Variants in OXR1 observed in about 807,000 individuals in gnomAD.
OXR1 encodes the protein oxidation resistance protein 1.
A neutral mutation model predicts 104.6 loss-of-function variants in OXR1; 41 were observed. The ratio of observed to expected loss-of-function variants is 0.39; its 90% CI spans 0.31 to 0.51. OXR1 has a LOEUF of 0.51. Ranked by LOEUF, OXR1 falls within the 20% of genes least tolerant of loss-of-function variation. OXR1 has a pLI of 0.77. For synonymous variants in OXR1, 348 were observed against 348.4 expected (o/e 1.00, Z 0.01); for missense variants, 955 against 1,031.9 (o/e 0.93, Z 1.02).
intron 11 of OXR1, 79 bp from the exon 12 acceptor site, chr8:106,737,441 T>C (rs1045306824): frequency 2.0e-5 from 2 of 101,858 alleles, no homozygotes; most frequent in African/African-American, 2.3e-4. Flanking sequence ...ATTTCTCCTC[T>C]TTTTTTTTTT....
At chr8:106,328,427 AT>A (rs1171092096) in intron 1 of OXR1, among the ~76,000 whole-genome samples, 1 of 152,238 alleles carries the variant, frequency 6.6e-6, no homozygotes, top group Non-Finnish European at 1.5e-5. Context: ...TTATGATGAC[AT>A]TTTTATCATT....
intron 11 of OXR1, among the ~76,000 whole-genome samples, chr8:106,719,521 A>C (rs1350196156): frequency 1.3e-5 from 2 of 152,198 alleles, no homozygotes; most frequent in Admixed American, 1.3e-4. Flanking sequence ...TTTTTGAGTC[A>C]TGATCCAACT....
chr8:106,563,315 G>GAAA (rs1324864964), intron 3 of OXR1, among the ~76,000 whole-genome samples: 1 of 124,016 alleles, frequency 8.1e-6, no homozygotes. Context: ...AAAAAAAAAA[G>GAAA]AAAAAAAAAG....
intron 14 of OXR1, 105 bp from the exon 15 acceptor site, chr8:106,742,117 C>T (rs1051060335): frequency 1.4e-5 from 10 of 693,234 alleles, no homozygotes; most frequent in Middle Eastern, 2.6e-4. Context: ...TTAAACTATA[C>T]CAGATTTCTA....
intron 2 of OXR1, among the ~76,000 whole-genome samples, chr8:106,509,814 C>A (rs1258810605): frequency 6.6e-6 from 1 of 152,202 alleles, no homozygotes; most frequent in Non-Finnish European, 1.5e-5. Context: ...CTCTGTCGCC[C>A]AGGCTGGAGT....
In OXR1 at chr8:106,433,076, C is replaced by T. The variant is rs566894279; in HGVS notation, c.23+73440C>T. Among the ~76,000 whole-genome samples the T allele has an allele frequency of 8.5e-5, 13 of 152,260 alleles. No homozygotes were observed. In the East Asian group the frequency reaches 1.4e-3, roughly 16 times the overall value. On this transcript the variant is annotated intron_variant, in intron 2 of 16. Transcript: ENST00000517566. ...TAAAGAGTAATTCACTCAGAGCTGG[C>T]TGTGCGCGAGACCGGAGTTTTATTA...
At chr8:106,732,630 A>G (rs989083259) in intron 11 of OXR1, among the ~76,000 whole-genome samples, 5 of 152,052 alleles carry the variant, frequency 3.3e-5, no homozygotes, top group Non-Finnish European at 2.9e-5. Flanking sequence ...GTATCTGTTG[A>G]TAAGATCACA....
intron 2 of OXR1, among the ~76,000 whole-genome samples, chr8:106,505,489 A>C (rs1246713536): frequency 6.6e-6 from 1 of 152,210 alleles, no homozygotes; most frequent in Non-Finnish European, 1.5e-5. Flanking sequence ...GACATGAACA[A>C]ATCTGTTGGT....
At position 106,331,996 on chromosome 8, in the gene OXR1, T is replaced by C. The variant is rs1023648094; in HGVS notation, c.-138-27480T>C. Among the ~76,000 whole-genome samples, 36 of 107,130 alleles carry C rather than the reference T, an allele frequency of 3.4e-4. 1 individual carries two copies. In the South Asian group the frequency reaches 0.013, roughly 37 times the overall value. The allele number at this position is 107,130 out of a possible 152,430, so 70.3% of individuals were successfully genotyped here. ...TTATATTTATTTCTTAGAAAGAACA[T>C]AGTGTGTGTGTGTGTGTGTGTGTGT... On this transcript the variant is annotated intron_variant, in intron 1 of 16. Transcript: ENST00000517566.
chr8:106,424,495 CA>C (rs1447207596), intron 2 of OXR1, among the ~76,000 whole-genome samples: 4 of 151,970 alleles, frequency 2.6e-5, no homozygotes, highest in African/African-American at 9.7e-5. Context: ...GCAAAACTTC[CA>C]TTATAGATTC....
At chr8:106,497,743 C>A (rs528396317) in intron 2 of OXR1, among the ~76,000 whole-genome samples, 2 of 152,070 alleles carry the variant, frequency 1.3e-5, no homozygotes, top group African/African-American at 4.8e-5. Flanking sequence ...AACCCCTCTT[C>A]CTTGGGGGAA....
rs1161564600 is a variant in OXR1, at chr8:106,713,971, G to A, written c.1942G>A (p.Ala648Thr). The change falls in exon 11 of 17, where the codon GCC (alanine) becomes ACC (threonine). Residue 648 changes from alanine (A) to threonine (T), a missense_variant. By Grantham distance (58) the Ala-to-Thr change is moderately conservative. This residue lies in a region of OXR1 where 849 missense variants were observed against 852.9 expected (regional missense o/e 1.00). Transcript: ENST00000517566. ...TIEDSSNQAAAREWEVVSVAE... is the reference protein window; with the variant it reads ...TIEDSSNQAATREWEVVSVAE... The stretch of plus-strand genomic sequence containing the variant: ...TGAGGATTCTAGTAATCAAGCAGCA[G>A]CCAGAGAATGGGAGGTAAGGAGAAA... 1.9e-6 allele frequency: 3 copies of A among 1,574,306 alleles called. No homozygotes were observed. Among genetic ancestry groups the A allele is most frequent in the Non-Finnish European group, 2.6e-6 (3 of 1,167,204 alleles).
At chr8:106,286,302 T>C (rs1421442180) in intron 1 of OXR1, among the ~76,000 whole-genome samples, 1 of 151,370 alleles carries the variant, frequency 6.6e-6, no homozygotes, top group East Asian at 1.9e-4. Context: ...CTGCAGCCAG[T>C]ATGATTTCTG....
At chr8:106,737,376 G>T in intron 11 of OXR1, 144 bp from the exon 12 acceptor site, 1 of 404,816 alleles carries the variant, frequency 2.5e-6, no homozygotes, top group Middle Eastern at 6.3e-4. Context: ...AAATCTCTTG[G>T]ATTTTCAACA....
rs1031859847 is a variant in OXR1, at chr8:106,718,147, A to G, written c.1956+4162A>G. Among the ~76,000 whole-genome samples, 6 of 152,308 alleles carry G rather than the reference A, an allele frequency of 3.9e-5. No individual in the cohort carries two copies. In the East Asian group the frequency reaches 1.2e-3, roughly 29 times the overall value. On this transcript the variant is annotated intron_variant, in intron 11 of 16. Transcript: ENST00000517566. The stretch of plus-strand genomic sequence containing the variant: ...ATCTTGTTTCAGAATTATTTTTTCC[A>G]GTACTTCAACTGTTTAACTTTATGA...
chr8:106,603,637 C>G (rs957045655), intron 3 of OXR1, among the ~76,000 whole-genome samples: 2 of 152,084 alleles, frequency 1.3e-5, no homozygotes, highest in Admixed American at 6.5e-5. Context: ...TCTATATTGC[C>G]AAAACTTTTA....
At chr8:106,569,455 A>T (rs1041334941) in intron 3 of OXR1, among the ~76,000 whole-genome samples, 8 of 152,012 alleles carry the variant, frequency 5.3e-5, no homozygotes, top group African/African-American at 1.9e-4. Flanking sequence ...AATAAAAATA[A>T]AAAACACATT....
At chr8:106,428,570 C>T (rs1819227998) in intron 2 of OXR1, among the ~76,000 whole-genome samples, 1 of 150,324 alleles carries the variant, frequency 6.7e-6, no homozygotes, top group African/African-American at 2.4e-5. Context: ...TGGAATTCCA[C>T]AATCATGCCA....
chr8:106,387,853 A>G (rs1817440932), intron 2 of OXR1, among the ~76,000 whole-genome samples: 1 of 152,206 alleles, frequency 6.6e-6, no homozygotes, highest in South Asian at 2.1e-4. Context: ...TGGTGACTTA[A>G]AGGACTCTAA....
Sources: gnomAD v4.1 joint callset for allele counts (sites outside exome capture counted in the v4.1 genomes callset) on GRCh38, gnomAD v4.1.1 for gene constraint, gnomAD v4.1.1 regional missense constraint, MANE v1.5 for transcripts, NCBI Gene and HGNC (gene_info 2026-07-23, HGNC 2026-07-21) for gene names.